Variants in RBFOX1 observed in about 807,000 individuals in gnomAD.
The protein encoded by RBFOX1 is RNA binding protein fox-1 homolog 1.
A neutral mutation model predicts 57.7 loss-of-function variants in RBFOX1; 8 were observed. The observed-to-expected ratio is 0.14, with a 90% CI of 0.08 to 0.25. The LOEUF (loss-of-function observed/expected upper bound fraction) is 0.25. Ranked by LOEUF, RBFOX1 falls within the 10% of genes least tolerant of loss-of-function variation. RBFOX1 has a pLI of 1.00. For missense variants in RBFOX1, 611 were observed against 548.5 expected (o/e 1.11, Z -1.14); for synonymous variants, 326 against 222.4 (o/e 1.47, Z -4.15).
At chr16:7,600,333 T>A (rs1239226605) in intron 9 of RBFOX1, among the ~76,000 whole-genome samples, 1 of 152,186 alleles carries the variant, frequency 6.6e-6, no homozygotes, top group African/African-American at 2.4e-5. Flanking sequence ...TAGTGGAGAT[T>A]ATGGAGAACT....
intron 1 of RBFOX1, among the ~76,000 whole-genome samples, chr16:5,243,102 C>A (rs1054674837): frequency 6.6e-6 from 1 of 152,104 alleles, no homozygotes; most frequent in Non-Finnish European, 1.5e-5. Context: ...AAAACCTAGC[C>A]CTCCCCAAGC....
chr16:5,380,426 T>C (rs180786062), intron 1 of RBFOX1, among the ~76,000 whole-genome samples: 2 of 152,252 alleles, frequency 1.3e-5, no homozygotes, highest in East Asian at 1.9e-4. Context: ...AGCAAGCAAG[T>C]TGGAAAACTA....
chr16:7,341,128 C>G (rs1043611931), intron 4 of RBFOX1, among the ~76,000 whole-genome samples: 5 of 151,976 alleles, frequency 3.3e-5, no homozygotes, highest in Non-Finnish European at 7.4e-5. Flanking sequence ...TTATGTTTTT[C>G]CCCCGTCTAA....
intron 1 of RBFOX1, among the ~76,000 whole-genome samples, chr16:5,241,893 G>C (rs1417219154): frequency 4.0e-5 from 6 of 150,858 alleles, no homozygotes; most frequent in Admixed American, 6.6e-5. Context: ...TTGAGTCCAG[G>C]AGTTTAAGAC....
At chr16:6,775,396 C>T (rs2079155886) in intron 3 of RBFOX1, among the ~76,000 whole-genome samples, 1 of 149,928 alleles carries the variant, frequency 6.7e-6, no homozygotes, top group African/African-American at 2.5e-5. Context: ...CTGTTAAGAC[C>T]TCTCAGGTTG....
At chr16:7,083,073 A>G (rs752006145) in intron 4 of RBFOX1, among the ~76,000 whole-genome samples, 5 of 152,108 alleles carry the variant, frequency 3.3e-5, no homozygotes, top group Non-Finnish European at 5.9e-5. Flanking sequence ...AATAAATAGA[A>G]AATGTCACTC....
intron 3 of RBFOX1, among the ~76,000 whole-genome samples, chr16:6,779,221 T>G (rs1237296625): frequency 6.6e-6 from 1 of 152,084 alleles, no homozygotes; most frequent in Admixed American, 6.6e-5. Context: ...TGTATCTCCA[T>G]GAGATCAATT....
chr16:6,541,619 T>C (rs186111552), intron 2 of RBFOX1, among the ~76,000 whole-genome samples: 4 of 152,340 alleles, frequency 2.6e-5, no homozygotes, highest in Middle Eastern at 3.4e-3. Context: ...ATATGACTTA[T>C]GTTTTAAAAA....
chr16:7,438,314 G>C (rs1476985107), intron 4 of RBFOX1, among the ~76,000 whole-genome samples: 1 of 152,116 alleles, frequency 6.6e-6, no homozygotes, highest in Non-Finnish European at 1.5e-5. Flanking sequence ...TGGATGTGAG[G>C]GGGTAAAGAG....
chr16:7,340,696 C>T (rs1161165142), intron 4 of RBFOX1, among the ~76,000 whole-genome samples: 1 of 152,194 alleles, frequency 6.6e-6, no homozygotes, highest in African/African-American at 2.4e-5. Flanking sequence ...CAAACAGAGC[C>T]TTCCAGTTAT....
chr16:6,660,704 A>G (rs2098695913), intron 3 of RBFOX1, among the ~76,000 whole-genome samples: 1 of 152,336 alleles, frequency 6.6e-6, no homozygotes, highest in South Asian at 2.1e-4. Context: ...TAATACTGCA[A>G]ATCATTTTAT....
intron 1 of RBFOX1, among the ~76,000 whole-genome samples, chr16:5,390,691 C>A (rs923758630): frequency 6.6e-6 from 1 of 152,172 alleles, no homozygotes; most frequent in African/African-American, 2.4e-5. Context: ...AAGCTCTACC[C>A]CTCTACCCCA....
chr16:5,851,471 G>A (rs563685423), intron 3 of RBFOX1, among the ~76,000 whole-genome samples: 6 of 152,214 alleles, frequency 3.9e-5, no homozygotes, highest in East Asian at 1.9e-4. Flanking sequence ...TGCCAGGGAC[G>A]GCCTAAGATT....
At chr16:7,332,905 C>G in intron 4 of RBFOX1, 1 of 1,585,794 alleles carries the variant, frequency 6.3e-7, no homozygotes. Context: ...ATTTGGCTCC[C>G]AGCTTTGTAG....
chr16:6,974,789 C>A (rs1190080435), intron 3 of RBFOX1, among the ~76,000 whole-genome samples: 1 of 152,078 alleles, frequency 6.6e-6, no homozygotes, highest in Non-Finnish European at 1.5e-5. Flanking sequence ...GTTTGCAAAC[C>A]TTGATGAAGT....
At chr16:7,657,544 A>G (rs969700211) in intron 12 of RBFOX1, among the ~76,000 whole-genome samples, 7 of 152,310 alleles carry the variant, frequency 4.6e-5, no homozygotes, top group African/African-American at 1.7e-4. Context: ...ACCTCAGGTG[A>G]TCCGCCCATC....
intron 3 of RBFOX1, among the ~76,000 whole-genome samples, chr16:6,923,920 C>T (rs2075023276): frequency 6.6e-6 from 1 of 152,054 alleles, no homozygotes; most frequent in Non-Finnish European, 1.5e-5. Context: ...CCTGTAATCC[C>T]AGCACTTTGG....
intron 2 of RBFOX1, among the ~76,000 whole-genome samples, chr16:6,436,445 C>G (rs1366712075): frequency 6.6e-6 from 1 of 151,030 alleles, no homozygotes; most frequent in East Asian, 1.9e-4. Context: ...TGATACAGAC[C>G]AAATTGCAGT....
chr16:6,114,878 T>C (rs910212167), intron 1 of RBFOX1, among the ~76,000 whole-genome samples: 7 of 152,138 alleles, frequency 4.6e-5, no homozygotes, highest in Non-Finnish European at 8.8e-5. Flanking sequence ...GGCTAACTCA[T>C]AGGCACTGAG....
Sources: allele counts gnomAD v4.1 joint callset (sites outside exome capture counted in the v4.1 genomes callset), GRCh38; gene constraint gnomAD v4.1.1; transcripts MANE v1.5; gene names NCBI Gene and HGNC (gene_info 2026-07-23, HGNC 2026-07-21).